STXBP5L: variants seen among roughly 807,000 people sequenced by gnomAD.
The protein encoded by STXBP5L is syntaxin-binding protein 5-like.
Under a neutral mutation model 144.5 loss-of-function variants are expected in STXBP5L, and 65 were observed. The observed-to-expected ratio is 0.45, with a 90% CI of 0.37 to 0.55. STXBP5L has a LOEUF of 0.55. Among genes scored for constraint, STXBP5L ranks in the 20% least tolerant of loss-of-function variants. The pLI, the probability that STXBP5L is intolerant of heterozygous loss-of-function variation, is 0.00. For synonymous variants in STXBP5L, 505 were observed against 469.6 expected (o/e 1.08, Z -0.97); for missense variants, 1,298 against 1,405.5 (o/e 0.92, Z 1.22).
chr3:121,007,673 G>T (rs1944445410), intron 3 of STXBP5L, among the ~76,000 whole-genome samples: 1 of 151,944 alleles, frequency 6.6e-6, no homozygotes, highest in South Asian at 2.1e-4. Flanking sequence ...TAGTACTTCT[G>T]ATCTGTTGTT....
intron 2 of STXBP5L, among the ~76,000 whole-genome samples, chr3:120,917,118 A>C (rs1240129382): frequency 6.6e-6 from 1 of 152,184 alleles, no homozygotes; most frequent in East Asian, 1.9e-4. Flanking sequence ...CTTTAGAGAG[A>C]ATAGTAAGAG....
At chr3:121,055,602 C>G (rs941823998) in intron 5 of STXBP5L, among the ~76,000 whole-genome samples, 2 of 152,048 alleles carry the variant, frequency 1.3e-5, no homozygotes, top group African/African-American at 4.8e-5. Context: ...CCTCAAACTC[C>G]TGGGCTCAAG....
chr3:121,347,783 C>T (rs2045065859), intron 20 of STXBP5L, among the ~76,000 whole-genome samples: 1 of 152,104 alleles, frequency 6.6e-6, no homozygotes, highest in Admixed American at 6.6e-5. Context: ...TATAAGAATG[C>T]TTGTGATTTT....
intron 9 of STXBP5L, among the ~76,000 whole-genome samples, chr3:121,186,762 C>T (rs1383028493): frequency 3.3e-5 from 5 of 152,062 alleles, no homozygotes; most frequent in Non-Finnish European, 5.9e-5. Flanking sequence ...AGGGTATGAA[C>T]AGACGCTTCT....
At chr3:121,053,340 T>G (rs1030650664) in intron 5 of STXBP5L, among the ~76,000 whole-genome samples, 1 of 152,160 alleles carries the variant, frequency 6.6e-6, no homozygotes, top group African/African-American at 2.4e-5. Flanking sequence ...GATTTCAAAC[T>G]ATACTACAAG....
chr3:120,963,321 G>T (rs1939103760), intron 3 of STXBP5L, among the ~76,000 whole-genome samples: 1 of 152,092 alleles, frequency 6.6e-6, no homozygotes, highest in African/African-American at 2.4e-5. Flanking sequence ...TGTTGAATAG[G>T]AATAGTGAGA....
intron 5 of STXBP5L, among the ~76,000 whole-genome samples, chr3:121,093,035 G>A (rs906740001): frequency 3.9e-5 from 6 of 152,252 alleles, no homozygotes; most frequent in African/African-American, 1.4e-4. Flanking sequence ...ATAATCATGT[G>A]GTTTTTGCCT....
At chr3:121,106,617 T>C (rs565264695) in intron 5 of STXBP5L, among the ~76,000 whole-genome samples, 10 of 152,278 alleles carry the variant, frequency 6.6e-5, no homozygotes, top group African/African-American at 2.2e-4. Flanking sequence ...TGTATATGTA[T>C]CATATTTTCT....
chr3:121,107,520 G>A (rs2043771826), intron 5 of STXBP5L, among the ~76,000 whole-genome samples: 1 of 152,094 alleles, frequency 6.6e-6, no homozygotes, highest in Non-Finnish European at 1.5e-5. Flanking sequence ...AAGTTCAGAT[G>A]GTTGTAGATG....
At chr3:120,983,835 T>C (rs1364480567) in intron 3 of STXBP5L, among the ~76,000 whole-genome samples, 1 of 152,220 alleles carries the variant, frequency 6.6e-6, no homozygotes, top group Non-Finnish European at 1.5e-5. Flanking sequence ...AATTCCAGTG[T>C]TCTCTCTTAG....
At chr3:121,047,898 G>A (rs1297071443) in intron 5 of STXBP5L, among the ~76,000 whole-genome samples, 1 of 152,038 alleles carries the variant, frequency 6.6e-6, no homozygotes, top group Non-Finnish European at 1.5e-5. Flanking sequence ...CATGTTTCTA[G>A]CTGGCTATTG....
At chr3:121,072,749 CTGTT>C (rs951265604) in intron 5 of STXBP5L, among the ~76,000 whole-genome samples, 2 of 152,312 alleles carry the variant, frequency 1.3e-5, no homozygotes, top group African/African-American at 4.8e-5. Context: ...TCACCTCCTC[CTGTT>C]TGTTGTTCTT....
At chr3:121,375,560 G>GA (rs1188988175) in intron 20 of STXBP5L, among the ~76,000 whole-genome samples, 2 of 152,186 alleles carry the variant, frequency 1.3e-5, no homozygotes, top group Non-Finnish European at 2.9e-5. Flanking sequence ...CAGGATAAGA[G>GA]AAAAAAACAC....
intron 20 of STXBP5L, among the ~76,000 whole-genome samples, chr3:121,356,342 T>C (rs1478455415): frequency 6.6e-6 from 1 of 152,232 alleles, no homozygotes; most frequent in Non-Finnish European, 1.5e-5. Context: ...TGTGGTGGGC[T>C]CCCTCATTTT....
At chr3:121,263,363 A>C (rs1412612894) in intron 18 of STXBP5L, among the ~76,000 whole-genome samples, 1 of 152,218 alleles carries the variant, frequency 6.6e-6, no homozygotes, top group Non-Finnish European at 1.5e-5. Flanking sequence ...GAACATGAGG[A>C]AAAACCAGCA....
chr3:121,148,675 GA>G (rs1273454521), intron 7 of STXBP5L, among the ~76,000 whole-genome samples: 3 of 152,052 alleles, frequency 2.0e-5, no homozygotes, highest in Non-Finnish European at 2.9e-5. Context: ...TTGTGAAAAT[GA>G]AAACATGAAG....
intron 3 of STXBP5L, among the ~76,000 whole-genome samples, chr3:120,963,237 T>A (rs963624196): frequency 2.8e-4 from 43 of 152,348 alleles, no homozygotes; most frequent in African/African-American, 1.0e-3. Context: ...ACAATTTGAC[T>A]TCCTCTTTTC....
intron 17 of STXBP5L, among the ~76,000 whole-genome samples, chr3:121,258,465 A>G (rs551956229): frequency 2.4e-4 from 36 of 152,224 alleles, no homozygotes; most frequent in Non-Finnish European, 4.1e-4. Context: ...GTACATAAAA[A>G]GAAGGAAATA....
intron 7 of STXBP5L, among the ~76,000 whole-genome samples, chr3:121,128,770 AAATT>A: frequency 6.6e-6 from 1 of 152,194 alleles, no homozygotes; most frequent in African/African-American, 2.4e-5. Flanking sequence ...GATCAGAAAA[AAATT>A]AAGAGTAGTT....
Sources: gnomAD v4.1 joint callset for allele counts (sites outside exome capture counted in the v4.1 genomes callset) on GRCh38, gnomAD v4.1.1 for gene constraint, MANE v1.5 for transcripts, NCBI Gene and HGNC (gene_info 2026-07-23, HGNC 2026-07-21) for gene names.